FAF1: variants seen among roughly 807,000 people sequenced by gnomAD.
The protein encoded by FAF1 is Fas associated factor 1.
A neutral mutation model predicts 92.5 loss-of-function variants in FAF1; 25 were observed. The observed-to-expected ratio is 0.27, with a 90% CI of 0.20 to 0.38. FAF1 has a LOEUF of 0.38. FAF1 is among the 10% of genes least tolerant of loss of function. FAF1 has a pLI of 1.00. For missense variants in FAF1, 636 were observed against 793.3 expected (o/e 0.80, Z 2.38); for synonymous variants, 234 against 273.2 (o/e 0.86, Z 1.42).
In FAF1 at chr1:50,757,213, G is replaced by A. The variant is rs577995141; in HGVS notation, c.368-12438C>T. Among the ~76,000 whole-genome samples the A allele has an allele frequency of 2.1e-4, 32 of 152,272 alleles. No individual in the cohort carries two copies. In the South Asian group the frequency reaches 6.4e-3, roughly 31 times the overall value. On this transcript the variant is annotated intron_variant, in intron 4 of 18. Transcript: ENST00000396153. ...CCAAGAAAAGAACATGTCTTTTGCT[G>A]TTATAATGAGGAGTATTATATACAT... is the stretch of plus-strand genomic sequence containing the variant.
chr1:50,595,678 G>T (rs1651766188), intron 9 of FAF1, among the ~76,000 whole-genome samples: 1 of 152,030 alleles, frequency 6.6e-6, no homozygotes. Flanking sequence ...AAGTAGCTGG[G>T]ATTATAGGTG....
At chr1:50,587,259 G>A (rs997152276) in intron 9 of FAF1, among the ~76,000 whole-genome samples, 2 of 151,910 alleles carry the variant, frequency 1.3e-5, no homozygotes, top group Admixed American at 6.6e-5. Flanking sequence ...TCCATTATTC[G>A]TTTTCCCTTC....
At chr1:50,732,034 G>C (rs1569852745) in intron 6 of FAF1, among the ~76,000 whole-genome samples, 2 of 151,918 alleles carry the variant, frequency 1.3e-5, no homozygotes, top group East Asian at 3.9e-4. Flanking sequence ...ATCTTCTATA[G>C]CTGACAAAGA....
chr1:50,683,529 TA>T (rs746843287), intron 7 of FAF1, among the ~76,000 whole-genome samples: 257 of 139,582 alleles, frequency 1.8e-3, no homozygotes, highest in Middle Eastern at 3.7e-3. Flanking sequence ...CCTGTCTCAT[TA>T]AAAAAAAAAA....
At chr1:50,510,816 A>G (rs1647125580) in intron 15 of FAF1, among the ~76,000 whole-genome samples, 1 of 152,206 alleles carries the variant, frequency 6.6e-6, no homozygotes, top group Admixed American at 6.5e-5. Flanking sequence ...ACTAGTCAGA[A>G]TAGAGATTAC....
In FAF1 at chr1:50,550,532, T is replaced by C. The variant is rs955813842; in HGVS notation, c.1269-10804A>G. 2.0e-5 allele frequency among the ~76,000 whole-genome samples: 3 copies of C among 152,098 alleles called. No homozygotes were observed. The South Asian group carries it at 6.2e-4, about 32-fold the overall frequency. On this transcript the variant is annotated intron_variant, in intron 13 of 18. Transcript: ENST00000396153. ...ACTTATTAAGCTCAATTCAGACAGC[T>C]GATGTTTAACACAAAGAGCTGAATA...
In FAF1 at chr1:50,797,084, T is replaced by A. The variant is rs1661780726; in HGVS notation, c.161+4547A>T. ...CAGGGAGGTAGAGGTTGCAGTGAGC[T>A]GAGATCATGCCACTGCACTTCAGCC... On this transcript the variant is annotated intron_variant, in intron 3 of 18. Transcript: ENST00000396153. 2.0e-5 allele frequency among the ~76,000 whole-genome samples: 3 copies of A among 152,060 alleles called. No individual in the cohort carries two copies. In the South Asian group the frequency reaches 6.2e-4, roughly 32 times the overall value.
chr1:50,451,640 C>T (rs747131485), intron 18 of FAF1, among the ~76,000 whole-genome samples: 10 of 152,124 alleles, frequency 6.6e-5, no homozygotes, highest in Non-Finnish European at 1.3e-4. Flanking sequence ...CATATTTCCC[C>T]CATAACAGAG....
chr1:50,659,376 GA>G (rs1655271854), intron 7 of FAF1, among the ~76,000 whole-genome samples: 1 of 152,058 alleles, frequency 6.6e-6, no homozygotes, highest in South Asian at 2.1e-4. Context: ...GTGAGAAAGA[GA>G]GGGGGAAGGA....
chr1:50,567,984 T>A (rs189038777), intron 12 of FAF1, among the ~76,000 whole-genome samples: 1 of 152,240 alleles, frequency 6.6e-6, no homozygotes, highest in African/African-American at 2.4e-5. Context: ...TCTGTCATAG[T>A]TGGATACTCA....
intron 8 of FAF1, among the ~76,000 whole-genome samples, chr1:50,623,434 C>T (rs10888701): frequency 0.092 from 13,943 of 151,186 alleles, 821 homozygotes; most frequent in African/African-American, 0.17. Context: ...CTGGGTGTGG[C>T]GGCGTGCACC....
At chr1:50,747,811 G>T (rs1470998068) in intron 4 of FAF1, among the ~76,000 whole-genome samples, 1 of 152,104 alleles carries the variant, frequency 6.6e-6, no homozygotes, top group Non-Finnish European at 1.5e-5. Flanking sequence ...TCCCCCTCTG[G>T]TGCTGTTCTT....
chr1:50,659,342 T>C (rs1655270475), intron 7 of FAF1, among the ~76,000 whole-genome samples: 1 of 150,464 alleles, frequency 6.6e-6, no homozygotes, highest in Non-Finnish European at 1.5e-5. Context: ...AAATAGATGA[T>C]AGGGAAAGAA....
At chr1:50,928,193 G>A (rs1273048620) in intron 1 of FAF1, among the ~76,000 whole-genome samples, 1 of 152,036 alleles carries the variant, frequency 6.6e-6, no homozygotes, top group Non-Finnish European at 1.5e-5. Context: ...CTCTGTCTTT[G>A]GCACACAGAC....
intron 15 of FAF1, among the ~76,000 whole-genome samples, chr1:50,500,525 G>A (rs183420966): frequency 6.6e-6 from 1 of 152,192 alleles, no homozygotes; most frequent in East Asian, 1.9e-4. Context: ...TTTAACTGAA[G>A]TGGATCATAG....
At chr1:50,635,791 T>C (rs1399638231) in intron 8 of FAF1, among the ~76,000 whole-genome samples, 2 of 152,140 alleles carry the variant, frequency 1.3e-5, no homozygotes, top group Non-Finnish European at 2.9e-5. Context: ...TTGCCATTGG[T>C]TTCTTAGATT....
At chr1:50,560,979 T>C (rs895478143) in intron 13 of FAF1, among the ~76,000 whole-genome samples, 1 of 152,204 alleles carries the variant, frequency 6.6e-6, no homozygotes, top group Non-Finnish European at 1.5e-5. Context: ...CATAGTACTA[T>C]TTATGGTTAA....
intron 1 of FAF1, among the ~76,000 whole-genome samples, chr1:50,930,114 C>T (rs1645036990): frequency 6.6e-6 from 1 of 152,030 alleles, no homozygotes; most frequent in African/African-American, 2.4e-5. Context: ...GTGTAGTTAA[C>T]AAAGCATTTC....
intron 15 of FAF1, among the ~76,000 whole-genome samples, chr1:50,497,623 A>G (rs2149013399): frequency 7.8e-6 from 1 of 127,698 alleles, no homozygotes; most frequent in Admixed American, 1.1e-4. Flanking sequence ...ATCTCGGCTC[A>G]TTGCAACCTC....
Sources: gnomAD v4.1 joint callset for allele counts (sites outside exome capture counted in the v4.1 genomes callset) on GRCh38, gnomAD v4.1.1 for gene constraint, MANE v1.5 for transcripts, NCBI Gene and HGNC (gene_info 2026-07-23, HGNC 2026-07-21) for gene names.